KLF12: variants seen among roughly 807,000 people sequenced by gnomAD.
The protein encoded by KLF12 is KLF transcription factor 12.
Under a neutral mutation model 37.8 loss-of-function variants are expected in KLF12, and 9 were observed. The observed-to-expected ratio is 0.24, with a 90% confidence interval of 0.14 to 0.42. The LOEUF is 0.42. KLF12 is among the 10% of genes least tolerant of loss of function. The pLI, the probability that KLF12 is intolerant of heterozygous loss-of-function variation, is 1.00. For synonymous variants in KLF12, 208 were observed against 202.1 expected, an observed-to-expected ratio of 1.03 and a Z score of -0.25; for missense variants, 411 against 516.0, an observed-to-expected ratio of 0.80 and a Z score of 1.97.
At chr13:73,920,112 C>T (rs908076740) in intron 3 of KLF12, among the ~76,000 whole-genome samples, 2 of 152,196 alleles carry the variant, frequency 1.3e-5, no homozygotes, top group Non-Finnish European at 2.9e-5. Flanking sequence ...CTAAACAATA[C>T]TGCACAGCAG....
intron 1 of KLF12, among the ~76,000 whole-genome samples, chr13:74,020,854 G>A (rs1892824492): frequency 6.7e-6 from 1 of 149,700 alleles, no homozygotes; most frequent in Non-Finnish European, 1.5e-5. Flanking sequence ...TCACGCCACT[G>A]CACTCCAGCC....
chr13:73,792,787 AAAGTT>A (rs1328495224), intron 5 of KLF12, among the ~76,000 whole-genome samples: 1 of 152,232 alleles, frequency 6.6e-6, no homozygotes, highest in Non-Finnish European at 1.5e-5. Flanking sequence ...TTTTTGCTTC[AAAGTT>A]AATAAAAATT....
chr13:74,101,677 C>A (rs1170485348), intron 1 of KLF12, among the ~76,000 whole-genome samples: 1 of 152,104 alleles, frequency 6.6e-6, no homozygotes, highest in Non-Finnish European at 1.5e-5. Flanking sequence ...GACACAAGAG[C>A]CACCGTGGCT....
intron 3 of KLF12, among the ~76,000 whole-genome samples, chr13:73,886,061 C>T (rs1205843854): frequency 6.6e-6 from 1 of 151,974 alleles, no homozygotes; most frequent in Non-Finnish European, 1.5e-5. Flanking sequence ...TAGTAGAGGT[C>T]AGAATCAAGG....
Position 73,696,015 on chromosome 13 carries a change from G to C in KLF12, c.1028-344C>G, listed in dbSNP as rs527729718. Among the ~76,000 whole-genome samples the C allele has an allele frequency of 6.6e-5, 10 of 152,206 alleles. No individual in the cohort carries two copies. In the South Asian group the frequency reaches 1.7e-3, roughly 25 times the overall value. ...TTACCCAGTTTGATTTGATTTTAAG[G>C]CTGAAAGTCACAAAGAATTCTTACG... On this transcript the variant is annotated intron_variant, in intron 7 of 7. Coordinates refer to ENST00000377669, the MANE Select transcript of KLF12 (RefSeq NM_007249.5).
At chr13:74,032,957 C>G (rs111420798) in intron 1 of KLF12, among the ~76,000 whole-genome samples, 365 of 152,224 alleles carry the variant, frequency 2.4e-3, no homozygotes, top group African/African-American at 8.4e-3. Context: ...TTCTCTGTAT[C>G]TACCCTAACA....
chr13:74,150,668 G>T, the KLF12 span, among the ~76,000 whole-genome samples: 1 of 152,006 alleles, frequency 6.6e-6, no homozygotes, highest in African/African-American at 2.4e-5. Context: ...AATTCCCAGC[G>T]TCAGTATTCC....
At chr13:74,181,814 T>C in the KLF12 span, among the ~76,000 whole-genome samples, 5 of 152,302 alleles carry the variant, frequency 3.3e-5, no homozygotes, top group Middle Eastern at 3.4e-3. Context: ...ACTGTATATG[T>C]ATCTTTGAAA....
At chr13:73,892,883 C>T (rs1185714675) in intron 3 of KLF12, among the ~76,000 whole-genome samples, 1 of 152,084 alleles carries the variant, frequency 6.6e-6, no homozygotes, top group East Asian at 1.9e-4. Context: ...TACTCTTTAA[C>T]CATAACTTAC....
chr13:73,734,412 T>C (rs1252901051), intron 6 of KLF12, among the ~76,000 whole-genome samples: 2 of 152,166 alleles, frequency 1.3e-5, no homozygotes, highest in Non-Finnish European at 2.9e-5. Context: ...TATTCATTTT[T>C]GTGTCCCAAA....
At position 74,087,953 on chromosome 13, in the gene KLF12, G is replaced by T. The variant is rs529608079; in HGVS notation, c.-32+45786C>A. ...CACTCAAGTGCATTCTTAACAAAGA[G>T]AACACTGATGAGGGGCATGACCCAG... is the stretch of plus-strand genomic sequence containing the variant. On this transcript the variant is annotated intron_variant, in intron 1 of 7. Coordinates refer to ENST00000377669, the MANE Select transcript of KLF12 (RefSeq NM_007249.5). Among the ~76,000 whole-genome samples, 71 of 152,238 alleles carry T rather than the reference G, an allele frequency of 4.7e-4. 1 individual carries two copies. Among genetic ancestry groups the T allele is most frequent in the African/African-American group, 1.6e-3 (65 of 41,546 alleles).
At chr13:74,052,291 T>G (rs1472354446) in intron 1 of KLF12, among the ~76,000 whole-genome samples, 3 of 148,332 alleles carry the variant, frequency 2.0e-5, no homozygotes, top group African/African-American at 7.5e-5. Context: ...TGTAGGTCTC[T>G]CCAAAAAAAC....
At chr13:74,228,741 C>T in the KLF12 span, among the ~76,000 whole-genome samples, 89 of 151,822 alleles carry the variant, frequency 5.9e-4, no homozygotes, top group African/African-American at 1.9e-3. Flanking sequence ...AACTGGACCC[C>T]CAAGTCAGGA....
chr13:74,135,570 G>T (rs1878521980), upstream of KLF12, among the ~76,000 whole-genome samples: 1 of 151,300 alleles, frequency 6.6e-6, no homozygotes, highest in Admixed American at 6.6e-5. Flanking sequence ...GGCGGGGGCG[G>T]GGAGCAGACG....
At position 73,904,469 on chromosome 13, in the gene KLF12, C is replaced by CTTTT. The variant is rs11342071; in HGVS notation, c.123+39508_123+39511dup. 3.8e-3 allele frequency among the ~76,000 whole-genome samples: 351 copies of CTTTT among 91,888 alleles called. 6 individuals are homozygous for CTTTT. The highest frequency in any genetic ancestry group is 4.9e-3 in the African/African-American group (109 of 22,126). 60.3% of individuals were successfully genotyped at this position (91,888 alleles called of 152,430 possible). The stretch of plus-strand genomic sequence containing the variant: ...CAGTTTCTCATGTTTTCTTTCTTTC[C>CTTTT]TTTTTTTTTTTTTTTTTTTTTTTAC... On this transcript the variant is annotated intron_variant, in intron 3 of 7. Transcript: ENST00000377669.
At chr13:73,806,511 G>A (rs1413978294) in intron 5 of KLF12, among the ~76,000 whole-genome samples, 2 of 151,954 alleles carry the variant, frequency 1.3e-5, no homozygotes, top group Non-Finnish European at 2.9e-5. Context: ...ATACAGGTGT[G>A]CACCACAGCA....
intron 6 of KLF12, among the ~76,000 whole-genome samples, chr13:73,745,170 G>C (rs1340968746): frequency 6.6e-6 from 1 of 152,176 alleles, no homozygotes; most frequent in African/African-American, 2.4e-5. Context: ...ATAACTGCAG[G>C]ATGGGGTTCT....
chr13:74,225,181 A>G, the KLF12 span, among the ~76,000 whole-genome samples: 1 of 152,152 alleles, frequency 6.6e-6, no homozygotes, highest in Non-Finnish European at 1.5e-5. Context: ...TTTGAGAGTC[A>G]ACATGGATTA....
At chr13:74,164,013 G>A in the KLF12 span, among the ~76,000 whole-genome samples, 3 of 152,084 alleles carry the variant, frequency 2.0e-5, no homozygotes, top group Non-Finnish European at 4.4e-5. Flanking sequence ...GATGACGCAG[G>A]TAAATTTCAG....
Sources: gnomAD v4.1 joint callset for allele counts (sites outside exome capture counted in the v4.1 genomes callset) on GRCh38, gnomAD v4.1.1 for gene constraint, MANE v1.5 for transcripts, NCBI Gene and HGNC (gene_info 2026-07-23, HGNC 2026-07-21) for gene names.